ACACA: variants seen among roughly 807,000 people sequenced by gnomAD.
The protein encoded by ACACA is acetyl-CoA carboxylase 1.
Under a neutral mutation model 296.1 loss-of-function variants are expected in ACACA, and 103 were observed. That is an observed-to-expected ratio of 0.35 (90% CI 0.30 to 0.41). ACACA has a LOEUF of 0.41. ACACA is among the 10% of genes least tolerant of loss of function. The pLI is 1.00. For missense variants in ACACA, 1,554 were observed against 2,989.7 expected, an observed-to-expected ratio of 0.52 and a Z score of 11.20; for synonymous variants, 953 against 1,038.6, an observed-to-expected ratio of 0.92 and a Z score of 1.58.
At chr17:37,361,501 C>A (rs1008715565) in intron 1 of ACACA, among the ~76,000 whole-genome samples, 1 of 151,870 alleles carries the variant, frequency 6.6e-6, no homozygotes, top group African/African-American at 2.4e-5. Context: ...AAAGAACTGG[C>A]CAAAGAAAGT....
chr17:37,183,226 A>G (rs2077391462), intron 39 of ACACA, among the ~76,000 whole-genome samples: 1 of 152,202 alleles, frequency 6.6e-6, no homozygotes, highest in African/African-American at 2.4e-5. Context: ...GGCTGGTCAT[A>G]GTTAAGCAAC....
chr17:37,087,577 C>T, intron 55 of ACACA, 138 bp from the exon 56 acceptor site: 2 of 1,083,380 alleles, frequency 1.8e-6, no homozygotes, highest in South Asian at 2.7e-5. Context: ...ATTTGTTTCC[C>T]TATATTACAA....
chr17:37,167,868 C>T (rs1367986706), intron 41 of ACACA, among the ~76,000 whole-genome samples: 1 of 152,054 alleles, frequency 6.6e-6, no homozygotes, highest in African/African-American at 2.4e-5. Flanking sequence ...TCCTGAAAAT[C>T]TAAAATTATT....
intron 3 of ACACA, among the ~76,000 whole-genome samples, chr17:37,312,142 G>A (rs1001553818): frequency 1.3e-5 from 2 of 152,020 alleles, no homozygotes; most frequent in Admixed American, 1.3e-4. Context: ...TCAACAGTCA[G>A]GGAAATGGCA....
In ACACA at chr17:37,289,582, A is replaced by G; in HGVS notation, c.339-4612T>C. ...GCAAACTAGGACTGATCTTCTTAGGAACTTCCATTTTTCCATTACCCCATA... is the reference window on the plus strand; with the variant it reads ...GCAAACTAGGACTGATCTTCTTAGGGACTTCCATTTTTCCATTACCCCATA... On this transcript the variant is annotated intron_variant, in intron 3 of 55. Transcript: ENST00000616317. 2 of 1,099,498 alleles carry G rather than the reference A, an allele frequency of 1.8e-6. 1 individual carries two copies. The highest frequency in any genetic ancestry group is 2.4e-5 in the South Asian group (2 of 82,788). The allele number at this position is 1,099,498 out of a possible 1,614,324, so 68.1% of individuals were successfully genotyped here. A position where few individuals can be genotyped will look rare whatever the true frequency, so the allele number is the denominator to read the frequency against.
intron 2 of ACACA, among the ~76,000 whole-genome samples, chr17:37,338,829 A>G (rs1398063603): frequency 6.6e-6 from 1 of 151,892 alleles, no homozygotes; most frequent in Non-Finnish European, 1.5e-5. Flanking sequence ...AATCCCAGCT[A>G]CTTGGGAGGC....
chr17:37,332,705 A>G (rs1378603505), intron 2 of ACACA, among the ~76,000 whole-genome samples: 1 of 152,028 alleles, frequency 6.6e-6, no homozygotes, highest in Non-Finnish European at 1.5e-5. Context: ...TGAGGTCAGC[A>G]GTTCAACACC....
At chr17:37,337,849 G>A (rs183776635) in intron 2 of ACACA, among the ~76,000 whole-genome samples, 127 of 152,272 alleles carry the variant, frequency 8.3e-4, no homozygotes, top group African/African-American at 3.0e-3. Context: ...TGTAATCCCA[G>A]CACTTTGGGA....
rs116146316 is a variant in ACACA, at chr17:37,306,625, A to T, written c.339-21655T>A. Among the ~76,000 whole-genome samples, 425 of 151,748 alleles carry T rather than the reference A, an allele frequency of 2.8e-3. 1 individual carries two copies. The highest frequency in any genetic ancestry group is 0.01 in the Middle Eastern group (3 of 294). On this transcript the variant is annotated intron_variant, in intron 3 of 55. Coordinates refer to ENST00000616317, the MANE Select transcript of ACACA (RefSeq NM_198834.3). ...GTCTTGTTTACTCTTGAACTTCATAAATATAGTGTTATATAATGTATGTAC... is the reference window on the plus strand; with the variant it reads ...GTCTTGTTTACTCTTGAACTTCATATATATAGTGTTATATAATGTATGTAC...
chr17:37,259,249 T>C (rs2081340174), intron 12 of ACACA, 111 bp downstream of exon 12: 3 of 1,203,850 alleles, frequency 2.5e-6, no homozygotes, highest in Non-Finnish European at 3.7e-6. Flanking sequence ...AAATGACCAT[T>C]AGGTGTGACT....
intron 1 of ACACA, among the ~76,000 whole-genome samples, chr17:37,394,783 G>A (rs1766440294): frequency 6.6e-6 from 1 of 151,136 alleles, no homozygotes; most frequent in African/African-American, 2.4e-5. Context: ...CAGCTACTAG[G>A]GAGGCTGAGG....
rs540502076 is a variant in ACACA at position 37,133,642 on chromosome 17, G to A, written c.5680-3424C>T. The stretch of plus-strand genomic sequence containing the variant: ...TCATCAACATATTTTCATGAAGTAG[G>A]TGAGCTGCATTCAACACTCTTTTAA... On this transcript the variant is annotated intron_variant, in intron 45 of 55. Coordinates refer to ENST00000616317, the MANE Select transcript of ACACA (RefSeq NM_198834.3). Among the ~76,000 whole-genome samples, 21 of 152,298 alleles carry A rather than the reference G, an allele frequency of 1.4e-4. No homozygotes were observed. The East Asian group carries it at 3.9e-3, about 28-fold the overall frequency.
intron 24 of ACACA, among the ~76,000 whole-genome samples, chr17:37,240,015 G>A (rs2080312669): frequency 1.3e-5 from 2 of 152,104 alleles, no homozygotes; most frequent in African/African-American, 4.8e-5. Flanking sequence ...AGAAAGCCAG[G>A]GATAAAGTCT....
intron 25 of ACACA, among the ~76,000 whole-genome samples, chr17:37,234,125 T>G (rs1173192966): frequency 6.6e-6 from 1 of 151,970 alleles, no homozygotes; most frequent in Non-Finnish European, 1.5e-5. Flanking sequence ...GAATCCCAAT[T>G]CCACAAAGAG....
At chr17:37,346,964 G>C (rs1288223228) in intron 1 of ACACA, among the ~76,000 whole-genome samples, 4 of 152,080 alleles carry the variant, frequency 2.6e-5, no homozygotes, top group Admixed American at 2.0e-4. Flanking sequence ...AGACTTTGAG[G>C]GACTGTTGGG....
At position 37,240,465 on chromosome 17, in the gene ACACA, A is replaced by AAGAG; in HGVS notation, c.3121+7_3121+10dup. The AAGAG allele has an allele frequency of 6.2e-7, 1 of 1,612,584 alleles. No homozygotes were observed. The highest frequency in any genetic ancestry group is 8.5e-7 in the Non-Finnish European group (1 of 1,179,406). ...CTTTCTTAGCTAGAGAGTCCTCAGG[A>AAGAG]AGAGGCTTACCATTCTGGAATTGTG... On this transcript the variant is annotated intron_variant, in intron 24 of 55. Transcript: ENST00000616317.
chr17:37,255,547 C>T (rs558352575), intron 14 of ACACA, among the ~76,000 whole-genome samples: 2 of 152,250 alleles, frequency 1.3e-5, no homozygotes, highest in African/African-American at 4.8e-5. Context: ...AACAAGGCTT[C>T]TGGATTGGGT....
At chr17:37,353,986 C>T (rs944582842) in intron 1 of ACACA, among the ~76,000 whole-genome samples, 2 of 152,020 alleles carry the variant, frequency 1.3e-5, no homozygotes, top group Non-Finnish European at 2.9e-5. Flanking sequence ...CATGTGCCTG[C>T]GATCCCAGCT....
intron 41 of ACACA, among the ~76,000 whole-genome samples, chr17:37,174,247 T>A (rs1157517912): frequency 6.7e-6 from 1 of 150,128 alleles, no homozygotes; most frequent in Non-Finnish European, 1.5e-5. Flanking sequence ...AGATCCCTAA[T>A]GCAAGGTTCA....
Sources: gnomAD v4.1 joint callset for allele counts (sites outside exome capture counted in the v4.1 genomes callset) on GRCh38, gnomAD v4.1.1 for gene constraint, MANE v1.5 for transcripts, NCBI Gene and HGNC (gene_info 2026-07-23, HGNC 2026-07-21) for gene names.